NDUFS7: variants seen among roughly 807,000 people sequenced by gnomAD.
The protein encoded by NDUFS7 is NADH:ubiquinone oxidoreductase core subunit S7.
Under a neutral mutation model 31.1 loss-of-function variants are expected in NDUFS7, and 11 were observed. That is an observed-to-expected ratio of 0.35 (90% confidence interval 0.22 to 0.59). NDUFS7 has a LOEUF of 0.59. NDUFS7 is among the 20% of genes least tolerant of loss of function. The probability of loss-of-function intolerance (pLI) is 0.79; values close to 1 mark genes in which losing one functional copy is unlikely to be tolerated. For synonymous variants in NDUFS7, 136 were observed against 127.9 expected (o/e 1.06, Z -0.43); for missense variants, 263 against 324.2 (o/e 0.81, Z 1.45).
rs2082569912 is a variant in NDUFS7, at chr19:1,393,270, T to C, written c.484T>C (p.Tyr162His). 1 of 1,585,338 alleles carries C rather than the reference T, an allele frequency of 6.3e-7. No homozygotes were observed. Among genetic ancestry groups the C allele is most frequent in the Admixed American group, 1.8e-5 (1 of 55,976 alleles). Residue 162 changes from tyrosine to histidine, a missense_variant, in exon 7 of 8, where the codon TAT (tyrosine) becomes CAT (histidine). Transcript: ENST00000233627. This position sits in a 1 kb window ranked among gnomAD's most constrained non-coding sequence, Gnocchi z 7.3. ...CGCCAACGGAGGAGGCTACTACCAC[T>C]ATTCCTACTCGGTGGTGAGGGGCTG... ...SCANGGGYYH[Y>H]SYSVVRGCDR...
intron 4 of NDUFS7, chr19:1,389,678 G>A (rs996088742): frequency 3.6e-5 from 13 of 365,354 alleles, no homozygotes; most frequent in African/African-American, 2.1e-4. Flanking sequence ...CAGCCCCCAC[G>A]CAGCCCCTGC....
Position 1,393,330 on chromosome 19 carries a change from G to GGTAGGGCC in NDUFS7, c.544+2_544+9dup. ...CGTGCCCGTGGACATCTACATCCCA[G>GGTAGGGCC]GTAGGGCCGGGACCGCACCGCCCAC... is the stretch of plus-strand genomic sequence containing the variant. On this transcript the variant is annotated frameshift_variant and splice_region_variant. Transcript: ENST00000233627. LOFTEE classifies it high-confidence loss of function. This position sits in a 1 kb window ranked among gnomAD's most constrained non-coding sequence, Gnocchi z 7.3. 1 of 1,570,802 alleles carries GGTAGGGCC rather than the reference G, an allele frequency of 6.4e-7. No homozygotes were observed.
intron 1 of NDUFS7, among the ~76,000 whole-genome samples, chr19:1,385,684 T>A (rs2082503175): frequency 6.6e-6 from 1 of 151,722 alleles, no homozygotes; most frequent in African/African-American, 2.4e-5. Context: ...CTGAGCGTGG[T>A]AGCAGGCGCC....
intron 4 of NDUFS7, 26 bp from the exon 5 acceptor site, chr19:1,390,845 G>T: frequency 6.2e-7 from 1 of 1,602,186 alleles, no homozygotes; most frequent in Admixed American, 1.7e-5. Context: ...CGGGGGTGGC[G>T]TCTGACCCGA....
rs529810068 is a variant in NDUFS7, at chr19:1,385,645, C to T, written c.16+1703C>T. Among the ~76,000 whole-genome samples the T allele has an allele frequency of 1.1e-4, 17 of 152,182 alleles. No homozygotes were observed. In the South Asian group the frequency reaches 3.5e-3, roughly 32 times the overall value. ...ACCAGCCTGATCAACATGGAGAAAC[C>T]CTGTCTCTACTAAAAAATGCAAAAT... On this transcript the variant is annotated intron_variant, in intron 1 of 7. Coordinates refer to ENST00000233627, the MANE Select transcript of NDUFS7 (RefSeq NM_024407.5).
At position 1,391,180 on chromosome 19, in the gene NDUFS7, G is replaced by A. The variant is rs1419234610; in HGVS notation, c.455+15G>A. On this transcript the variant is annotated intron_variant, in intron 6 of 7. Coordinates refer to ENST00000233627, the MANE Select transcript of NDUFS7 (RefSeq NM_024407.5). The stretch of plus-strand genomic sequence containing the variant: ...TCCATGGGGAGGTGAGTGCAGGGCG[G>A]GGGGTCTCCAGGGACAGACGTAGCG... The A allele has an allele frequency of 6.2e-7, 1 of 1,611,098 alleles. No individual in the cohort carries two copies. Among genetic ancestry groups the A allele is most frequent in the African/African-American group, 1.3e-5 (1 of 75,012 alleles).
rs747767440 is a variant in NDUFS7 at position 1,388,877 on chromosome 19, C to T, written c.167C>T (p.Pro56Leu). The T allele has an allele frequency of 1.7e-5, 28 of 1,609,048 alleles. No homozygotes were observed. Among genetic ancestry groups the T allele is most frequent in the Non-Finnish European group, 2.4e-5 (28 of 1,178,234 alleles). ...LPKARAVAPK[P>L]SSRGEYVVAK... is the part of the protein sequence containing the mutation. ...AAGGCCAGAGCCGTGGCTCCCAAAC[C>T]CAGCAGCCGGGGCGAGTATGTGGTG... Residue 56 changes from proline (P) to leucine (L), a missense_variant, in exon 4 of 8, where the codon CCC becomes CTC. Coordinates refer to ENST00000233627, the MANE Select transcript of NDUFS7 (RefSeq NM_024407.5).
chr19:1,392,782 G>A (rs900694341), intron 6 of NDUFS7: 1 of 214,210 alleles, frequency 4.7e-6, no homozygotes, highest in Non-Finnish European at 9.5e-6. Context: ...GCTGTGGGAA[G>A]CAGTGCTGGG....
rs963420114 is a variant in NDUFS7 at position 1,393,281 on chromosome 19, G to A, written c.495G>A (p.Ser165=). 11 of 1,588,502 alleles carry A rather than the reference G, an allele frequency of 6.9e-6. No individual in the cohort carries two copies. In the Admixed American group the frequency reaches 7.1e-5, roughly 10 times the overall value. ...GAGGCTACTACCACTATTCCTACTC[G>A]GTGGTGAGGGGCTGCGACCGCATCG... is the stretch of plus-strand genomic sequence containing the variant. ...NGGGYYHYSY[S]VVRGCDRIVP... The change falls in exon 7 of 8, where the codon TCG becomes TCA. Residue 165 remains serine, a synonymous_variant. Coordinates refer to ENST00000233627, the MANE Select transcript of NDUFS7 (RefSeq NM_024407.5). This position sits in a 1 kb window ranked among gnomAD's most constrained non-coding sequence, Gnocchi z 7.3.
At chr19:1,395,017 C>A (rs1049996784) in intron 7 of NDUFS7, 3 of 1,154,038 alleles carry the variant, frequency 2.6e-6, no homozygotes, top group Non-Finnish European at 3.2e-6. Context: ...CCATCTCCGT[C>A]CAGGGCAGCC....
chr19:1,384,271 C>A, intron 1 of NDUFS7: 1 of 413,618 alleles, frequency 2.4e-6, no homozygotes, highest in Non-Finnish European at 4.3e-6. Context: ...CTTGAGATGC[C>A]CTGGAGAGAG....
At position 1,393,411 on chromosome 19, in the gene NDUFS7, A is replaced by G; in HGVS notation, c.544+81A>G. 1 of 1,198,544 alleles carries G rather than the reference A, an allele frequency of 8.3e-7. No individual in the cohort carries two copies. The highest frequency in any genetic ancestry group is 2.5e-5 in the East Asian group (1 of 39,296). 74.2% of individuals were successfully genotyped at this position (1,198,544 alleles called of 1,614,324 possible). On this transcript the variant is annotated intron_variant, in intron 7 of 7. Transcript: ENST00000233627. The surrounding 1 kb of genome is among the most constrained non-coding windows in gnomAD (Gnocchi z 7.3). ...CGGAGCCCGGCGGCCCCTGTGAGGGAGTCCCACACCCCCAGCAGACGGCGG... is the reference window on the plus strand; with the variant it reads ...CGGAGCCCGGCGGCCCCTGTGAGGGGGTCCCACACCCCCAGCAGACGGCGG...
chr19:1,392,905 CAG>C (rs1268226442), intron 6 of NDUFS7: 5 of 394,056 alleles, frequency 1.3e-5, no homozygotes, highest in South Asian at 7.0e-5. Flanking sequence ...GCCCCATAGA[CAG>C]GGGCTGGGTG....
chr19:1,388,896 T>C lies in NDUFS7; in HGVS notation c.186T>C (p.Tyr62=), dbSNP rs766203571. The C allele has an allele frequency of 6.2e-7, 1 of 1,610,368 alleles. No individual in the cohort carries two copies. The highest frequency in any genetic ancestry group is 8.5e-7 in the Non-Finnish European group (1 of 1,178,770). The part of the protein sequence containing the change: ...VAPKPSSRGE[Y]VVAKLDDLVN... ...CCAAACCCAGCAGCCGGGGCGAGTATGTGGTGGCCAAGCTGGATGACCTCG... is the reference window on the plus strand; with the variant it reads ...CCAAACCCAGCAGCCGGGGCGAGTACGTGGTGGCCAAGCTGGATGACCTCG... The change falls in exon 4 of 8, where the codon TAT becomes TAC. Residue 62 remains tyrosine, a synonymous_variant. Coordinates refer to ENST00000233627, the MANE Select transcript of NDUFS7 (RefSeq NM_024407.5).
intron 4 of NDUFS7, chr19:1,390,655 G>T: frequency 1.6e-6 from 1 of 606,464 alleles, no homozygotes; most frequent in Non-Finnish European, 2.9e-6. Context: ...GATCTCACCC[G>T]TTTCTCTCTA....
At chr19:1,394,654 G>A (rs879456512) in intron 7 of NDUFS7, 18 of 1,227,446 alleles carry the variant, frequency 1.5e-5, no homozygotes, top group Non-Finnish European at 1.7e-5. Flanking sequence ...TGGGGACCTC[G>A]CTCCTCCCTC....
chr19:1,388,315 A>G (rs879801187), intron 2 of NDUFS7: 37 of 622,480 alleles, frequency 5.9e-5, no homozygotes, highest in Non-Finnish European at 1.0e-4. Flanking sequence ...GTACGTCACA[A>G]AAGAAGTTCC....
intron 7 of NDUFS7, chr19:1,394,823 C>T: frequency 2.6e-6 from 3 of 1,165,550 alleles, no homozygotes; most frequent in South Asian, 3.4e-5. Flanking sequence ...CTCCTGCTGT[C>T]CCCGTTGGGC....
chr19:1,384,502 A>T (rs552448196), intron 1 of NDUFS7, among the ~76,000 whole-genome samples: 1 of 152,376 alleles, frequency 6.6e-6, no homozygotes, highest in African/African-American at 2.4e-5. Flanking sequence ...GCTCAGATAA[A>T]GTTATTAAAT....
Sources: gnomAD v4.1 joint callset for allele counts (sites outside exome capture counted in the v4.1 genomes callset) on GRCh38, gnomAD v4.1.1 for gene constraint, Gnocchi (gnomAD v3.1) non-coding constraint, MANE v1.5 for transcripts, NCBI Gene and HGNC (gene_info 2026-07-23, HGNC 2026-07-21) for gene names.